GOLGA4: variants seen among roughly 807,000 people sequenced by gnomAD.
GOLGA4 encodes golgin A4, also known as golgin subfamily A member 4.
Under a neutral mutation model 265.9 loss-of-function variants are expected in GOLGA4, and 169 were observed. The ratio of observed to expected loss-of-function variants is 0.64; its 90% CI spans 0.56 to 0.72. The LOEUF (loss-of-function observed/expected upper bound fraction) is 0.72, where lower values mean the gene tolerates loss of function less well. GOLGA4 is among the 30% of genes least tolerant of loss of function. GOLGA4 has a pLI of 0.00. For missense variants in GOLGA4, 2,482 were observed against 2,483.4 expected (o/e 1.00, Z 0.01); for synonymous variants, 923 against 855.8 (o/e 1.08, Z -1.37).
intron 1 of GOLGA4, among the ~76,000 whole-genome samples, chr3:37,244,456 G>T (rs1210573965): frequency 1.3e-5 from 2 of 152,254 alleles, no homozygotes; most frequent in African/African-American, 4.8e-5. Context: ...AATTTCCTAA[G>T]CGTTCACTGG....
rs367815997 is a variant in GOLGA4 at position 37,324,601 on chromosome 3, C to T, written c.2715C>T (p.Ile905=). The change falls in exon 14 of 24, where the codon ATC becomes ATT. Residue 905 remains isoleucine (I), a synonymous_variant. Coordinates refer to ENST00000361924, the MANE Select transcript of GOLGA4 (RefSeq NM_002078.5). ...GNKEQEQTKQ[I]LVEKENMILQ... ...AAGAACAGGAACAGACAAAGCAAAT[C>T]TTGGTGGAAAAGGAAAATATGATTT... 29 of 1,613,262 alleles carry T rather than the reference C, an allele frequency of 1.8e-5. No individual in the cohort carries two copies. The highest frequency in any genetic ancestry group is 2.3e-5 in the Non-Finnish European group (27 of 1,179,638).
At chr3:37,330,911 C>T (rs1481130627) in intron 16 of GOLGA4, among the ~76,000 whole-genome samples, 2 of 151,880 alleles carry the variant, frequency 1.3e-5, no homozygotes, top group African/African-American at 4.8e-5. Flanking sequence ...TGCTTGTAAT[C>T]CCAGCTACTC....
At chr3:37,286,238 C>T (rs532421775) in intron 4 of GOLGA4, among the ~76,000 whole-genome samples, 177 bp downstream of exon 4, 3 of 146,546 alleles carry the variant, frequency 2.0e-5, no homozygotes, top group African/African-American at 7.5e-5. Flanking sequence ...ACTGCAAGCT[C>T]CGCCTCCCGG....
chr3:37,283,209 T>A (rs977513506), intron 3 of GOLGA4, among the ~76,000 whole-genome samples: 16 of 152,104 alleles, frequency 1.1e-4, no homozygotes, highest in African/African-American at 3.9e-4. Flanking sequence ...AGATAAGATA[T>A]CTTTTTAAAC....
chr3:37,362,932 G>T (rs1265281010), intron 23 of GOLGA4, among the ~76,000 whole-genome samples: 1 of 151,482 alleles, frequency 6.6e-6, no homozygotes, highest in African/African-American at 2.4e-5. Flanking sequence ...ACAGGTACCC[G>T]CCACCATGCC....
chr3:37,267,358 C>G lies in GOLGA4; in HGVS notation c.163-14600C>G, dbSNP rs752128192. On this transcript the variant is annotated intron_variant, in intron 2 of 23. Transcript: ENST00000361924. ...GGGAAAAATTCGTTGTTATGTAAAT[C>G]CATAATTAAACAGCATTGAATAGGT... 2.9e-4 allele frequency among the ~76,000 whole-genome samples: 44 copies of G among 152,158 alleles called. 1 individual carries two copies. Among genetic ancestry groups the G allele is most frequent in the South Asian group, 4.1e-4 (2 of 4,836 alleles).
rs373437728 is a variant in GOLGA4 at position 37,257,894 on chromosome 3, C to CAT, written c.162+6429_162+6430dup. 4.8e-3 allele frequency among the ~76,000 whole-genome samples: 505 copies of CAT among 104,892 alleles called. 31 individuals carry two copies. The highest frequency in any genetic ancestry group is 0.033 in the Admixed American group (321 of 9,640). The allele number at this position is 104,892 out of a possible 152,430, so 68.8% of individuals were successfully genotyped here. On this transcript the variant is annotated intron_variant, in intron 2 of 23. Transcript: ENST00000361924. ...AATTAGGTGTGTTTTCATATATATA[C>CAT]ATATATATATATATATATATGTATG...
At chr3:37,276,162 A>T in intron 2 of GOLGA4, 2 of 1,600,542 alleles carry the variant, frequency 1.2e-6, no homozygotes, top group South Asian at 2.2e-5. Context: ...ACAGGGGATG[A>T]CTACATTGCA....
intron 18 of GOLGA4, 49 bp from the exon 19 acceptor site, chr3:37,337,617 C>A: frequency 8.1e-7 from 1 of 1,240,142 alleles, no homozygotes; most frequent in Non-Finnish European, 1.2e-6. Context: ...TGTGTCTGGG[C>A]AATAATGAAA....
rs1362837477 is a variant in GOLGA4 at position 37,310,034 on chromosome 3, T to A, written c.1235-5386T>A. ...TTTGTAGTGCATTTCATTCACTCATTTTGTTTGTTTGTTTTTGCTGGGATA... is the reference window on the plus strand; with the variant it reads ...TTTGTAGTGCATTTCATTCACTCATATTGTTTGTTTGTTTTTGCTGGGATA... On this transcript the variant is annotated intron_variant, in intron 10 of 23. Transcript: ENST00000361924. 2.6e-5 allele frequency among the ~76,000 whole-genome samples: 4 copies of A among 152,344 alleles called. No homozygotes were observed. In the East Asian group the frequency reaches 7.7e-4, roughly 29 times the overall value.
chr3:37,258,997 C>T (rs1326563358), intron 2 of GOLGA4, among the ~76,000 whole-genome samples: 1 of 151,886 alleles, frequency 6.6e-6, no homozygotes, highest in Non-Finnish European at 1.5e-5. Flanking sequence ...CCCCATGAAA[C>T]GAGTTGGGAA....
At position 37,326,846 on chromosome 3, in the gene GOLGA4, C is replaced by T; in HGVS notation, c.4960C>T (p.Gln1654Ter). The T allele has an allele frequency of 6.2e-7, 1 of 1,613,448 alleles. No individual in the cohort carries two copies. The highest frequency in any genetic ancestry group is 8.5e-7 in the Non-Finnish European group (1 of 1,179,738). Residue 1654 changes from glutamine to a stop codon, truncating the protein, a stop_gained, in exon 14 of 24, where the codon CAG becomes TAG. Coordinates refer to ENST00000361924, the MANE Select transcript of GOLGA4 (RefSeq NM_002078.5). LOFTEE classifies it high-confidence loss of function. ...ACAAAAAATTGCTGCCATTAAGAAG[C>T]AGTTGTTATCTCAAATGGAAGAGAA... Reference protein sequence around the residue: ...AEQKIAAIKKQLLSQMEEKEE... With the variant: ...AEQKIAAIKK
Position 37,321,712 on chromosome 3 carries a change from T to C in GOLGA4, c.1546-19T>C, listed in dbSNP as rs188093488. On this transcript the variant is annotated intron_variant, in intron 12 of 23. Transcript: ENST00000361924. ...AGATTTATGTGCGTTTAAGGTGGTA[T>C]TAATTATTTTTGGCACAGGAAAAGA... 5.3e-3 allele frequency: 8,437 copies of C among 1,588,904 alleles called. 68 individuals carry two copies. The highest frequency in any genetic ancestry group is 5.2e-3 in the Non-Finnish European group (6,057 of 1,170,782).
chr3:37,319,099 C>G lies in GOLGA4; in HGVS notation c.1450C>G (p.Leu484Val), dbSNP rs182159192. ...AGAACAAATTGCTAAGCTACAGAAG[C>G]TTCATGAAAAGGAGCTGGCCAGAAA... ...SEEQIAKLQK[L>V]HEKELARKEQ... Residue 484 changes from leucine (L) to valine (V), a missense_variant, in exon 12 of 24, where the codon CTT becomes GTT. Physicochemically the swap from Leu to Val is conservative, Grantham distance 32 (BLOSUM62 1). Transcript: ENST00000361924. The G allele has an allele frequency of 6.2e-7, 1 of 1,608,090 alleles. No homozygotes were observed. The highest frequency in any genetic ancestry group is 1.3e-5 in the African/African-American group (1 of 74,650).
intron 3 of GOLGA4, among the ~76,000 whole-genome samples, chr3:37,282,698 T>G (rs558149453): frequency 6.6e-6 from 1 of 152,230 alleles, no homozygotes; most frequent in African/African-American, 2.4e-5. Context: ...TAAAATTGTT[T>G]TAGGTAGCCT....
At chr3:37,315,671 G>T in intron 11 of GOLGA4, 73 bp downstream of exon 11, 1 of 1,213,864 alleles carries the variant, frequency 8.2e-7, no homozygotes, top group South Asian at 1.3e-5. Flanking sequence ...TACACTCTTT[G>T]ACTGTAAAGA....
intron 16 of GOLGA4, among the ~76,000 whole-genome samples, chr3:37,330,880 T>A (rs2096987866): frequency 6.6e-6 from 1 of 151,868 alleles, no homozygotes; most frequent in South Asian, 2.1e-4. Context: ...ATAAAAAAAA[T>A]TAGCCAGGTG....
At chr3:37,264,584 T>A (rs2096778552) in intron 2 of GOLGA4, among the ~76,000 whole-genome samples, 1 of 152,238 alleles carries the variant, frequency 6.6e-6, no homozygotes, top group African/African-American at 2.4e-5. Flanking sequence ...TATTCATAAC[T>A]CTGCAGTACT....
chr3:37,337,192 T>A, intron 18 of GOLGA4, 29 bp downstream of exon 18: 2 of 1,183,844 alleles, frequency 1.7e-6, no homozygotes, highest in Non-Finnish European at 2.4e-6. Flanking sequence ...TTTTTTTTTT[T>A]CTTTTTTTTC....
Sources: gnomAD v4.1 joint callset for allele counts (sites outside exome capture counted in the v4.1 genomes callset) on GRCh38, gnomAD v4.1.1 for gene constraint, MANE v1.5 for transcripts, NCBI Gene and HGNC (gene_info 2026-07-23, HGNC 2026-07-21) for gene names.